Variants in TMEM178B observed in about 807,000 individuals in gnomAD.
The protein encoded by TMEM178B is transmembrane protein 178B.
TMEM178B carries 5 observed loss-of-function variants against 31.0 expected under a neutral mutation model. The ratio of observed to expected loss-of-function variants is 0.16; its 90% CI spans 0.08 to 0.34. TMEM178B has a LOEUF of 0.34. TMEM178B is among the 10% of genes least tolerant of loss of function. The pLI is 1.00. For synonymous variants in TMEM178B, 164 were observed against 164.0 expected, an observed-to-expected ratio of 1.00 and a Z score of 0.00; for missense variants, 275 against 400.3, an observed-to-expected ratio of 0.69 and a Z score of 2.67.
At chr7:141,435,951 C>T (rs148210050) in intron 2 of TMEM178B, among the ~76,000 whole-genome samples, 42 of 152,266 alleles carry the variant, frequency 2.8e-4, no homozygotes, top group Non-Finnish European at 4.4e-4. Flanking sequence ...TCTGTAGGCC[C>T]CTCCTCACCA....
intron 2 of TMEM178B, among the ~76,000 whole-genome samples, chr7:141,216,712 C>T (rs1266713028): frequency 6.6e-6 from 1 of 152,090 alleles, no homozygotes; most frequent in Non-Finnish European, 1.5e-5. Flanking sequence ...GGCAGAATTC[C>T]TTTTGGAGTT....
Position 141,408,519 on chromosome 7 carries a change from C to T in TMEM178B, c.497-29089C>T, listed in dbSNP as rs528531312. ...GAGTGGCAGGGCTGCTGCAAGGGAT[C>T]ACATTGAGAGAATCACTGTATTAGA... On this transcript the variant is annotated intron_variant, in intron 2 of 3. Transcript: ENST00000565468. 2.0e-5 allele frequency among the ~76,000 whole-genome samples: 3 copies of T among 152,210 alleles called. No homozygotes were observed. In the East Asian group the frequency reaches 5.8e-4, roughly 29 times the overall value.
chr7:141,119,543 G>A (rs1332830504), intron 1 of TMEM178B, among the ~76,000 whole-genome samples: 1 of 152,056 alleles, frequency 6.6e-6, no homozygotes, highest in African/African-American at 2.4e-5. Context: ...GTTCAAGCCT[G>A]TGTTCTGTGT....
At chr7:141,460,911 G>A (rs1331881409) in intron 3 of TMEM178B, among the ~76,000 whole-genome samples, 5 of 152,134 alleles carry the variant, frequency 3.3e-5, no homozygotes, top group African/African-American at 7.2e-5. Context: ...TCCCTAAGGC[G>A]CCTTTGATGT....
At chr7:141,268,934 G>C (rs1009068349) in intron 2 of TMEM178B, among the ~76,000 whole-genome samples, 2 of 152,110 alleles carry the variant, frequency 1.3e-5, no homozygotes, top group Admixed American at 6.5e-5. Flanking sequence ...AGAAAATGCC[G>C]TGGTGGAGAG....
chr7:141,394,192 A>T (rs1352782570), intron 2 of TMEM178B, among the ~76,000 whole-genome samples: 1 of 152,164 alleles, frequency 6.6e-6, no homozygotes, highest in African/African-American at 2.4e-5. Context: ...CCTTCCATGA[A>T]ACCCTGAAAA....
chr7:141,363,541 G>T (rs985376889), intron 2 of TMEM178B, among the ~76,000 whole-genome samples: 1 of 152,180 alleles, frequency 6.6e-6, no homozygotes, highest in Admixed American at 6.5e-5. Flanking sequence ...GGACTTGAAC[G>T]CAATTCTCTG....
chr7:141,421,044 C>G (rs1284807576), intron 2 of TMEM178B, among the ~76,000 whole-genome samples: 1 of 152,162 alleles, frequency 6.6e-6, no homozygotes, highest in Non-Finnish European at 1.5e-5. Context: ...AGGCTATCTC[C>G]CGTTCCCAGG....
chr7:141,496,446 G>A, the TMEM178B span, among the ~76,000 whole-genome samples: 2 of 151,584 alleles, frequency 1.3e-5, no homozygotes, highest in Admixed American at 6.6e-5. Flanking sequence ...CGAGGCGGGC[G>A]GATCACGAGG....
chr7:141,271,325 G>A (rs1243345226), intron 2 of TMEM178B, among the ~76,000 whole-genome samples: 2 of 152,178 alleles, frequency 1.3e-5, no homozygotes, highest in African/African-American at 4.8e-5. Context: ...TTTCCTGAGG[G>A]GAAGGAATGA....
chr7:141,190,826 T>C (rs1796685777), intron 1 of TMEM178B, among the ~76,000 whole-genome samples: 7 of 152,204 alleles, frequency 4.6e-5, no homozygotes, highest in Admixed American at 4.6e-4. Flanking sequence ...AGACAACCAA[T>C]ATTACTAGTT....
intron 1 of TMEM178B, among the ~76,000 whole-genome samples, chr7:141,183,308 C>T (rs1796559658): frequency 6.6e-6 from 1 of 152,218 alleles, no homozygotes; most frequent in African/African-American, 2.4e-5. Flanking sequence ...AATGTTCCCT[C>T]TCAAATTCTG....
At chr7:141,225,625 C>G (rs1284191498) in intron 2 of TMEM178B, among the ~76,000 whole-genome samples, 1 of 152,166 alleles carries the variant, frequency 6.6e-6, no homozygotes, top group African/African-American at 2.4e-5. Flanking sequence ...AAGCTGGAGA[C>G]TTACATCTTT....
chr7:141,280,754 G>A (rs1247474114), intron 2 of TMEM178B, among the ~76,000 whole-genome samples: 3 of 151,926 alleles, frequency 2.0e-5, no homozygotes, highest in African/African-American at 7.3e-5. Context: ...CCTAGCAGAG[G>A]TTCTGATTCC....
At chr7:141,372,785 G>A (rs1015683487) in intron 2 of TMEM178B, among the ~76,000 whole-genome samples, 6 of 152,110 alleles carry the variant, frequency 3.9e-5, no homozygotes, top group East Asian at 1.9e-4. Flanking sequence ...GATGTCTTCC[G>A]TAAATATAAG....
chr7:141,292,864 C>T, intron 2 of TMEM178B, among the ~76,000 whole-genome samples: 1 of 152,052 alleles, frequency 6.6e-6, no homozygotes, highest in East Asian at 1.9e-4. Context: ...TCTCAAACTC[C>T]TGACTTCAGA....
At chr7:141,467,157 T>TC (rs1204690488) in intron 3 of TMEM178B, among the ~76,000 whole-genome samples, 1 of 151,960 alleles carries the variant, frequency 6.6e-6, no homozygotes, top group East Asian at 1.9e-4. Context: ...AACTATAGAT[T>TC]CCCATGCTCT....
At chr7:141,503,860 T>A in the TMEM178B span, among the ~76,000 whole-genome samples, 2 of 152,318 alleles carry the variant, frequency 1.3e-5, no homozygotes, top group East Asian at 3.9e-4. Flanking sequence ...TGGTCTGGGT[T>A]TTTTATCACC....
At chr7:141,365,172 G>A (rs1316177634) in intron 2 of TMEM178B, among the ~76,000 whole-genome samples, 1 of 152,328 alleles carries the variant, frequency 6.6e-6, no homozygotes, top group South Asian at 2.1e-4. Context: ...GGTAAATGCA[G>A]CTTTGAGAAT....
Sources: allele counts gnomAD v4.1 joint callset (sites outside exome capture counted in the v4.1 genomes callset), GRCh38; gene constraint gnomAD v4.1.1; transcripts MANE v1.5; gene names NCBI Gene and HGNC (gene_info 2026-07-23, HGNC 2026-07-21).